The following DMRT1 variants were observed in gnomAD, a reference collection of about 807,000 sequenced individuals.
DMRT1 encodes doublesex and mab-3 related transcription factor 1.
A neutral mutation model predicts 32.3 loss-of-function variants in DMRT1; 7 were observed. The observed-to-expected ratio is 0.22, with a 90% CI of 0.12 to 0.41. The LOEUF (loss-of-function observed/expected upper bound fraction) is 0.41. DMRT1 is among the 10% of genes least tolerant of loss of function. The pLI, the probability that DMRT1 is intolerant of heterozygous loss-of-function variation, is 1.00. For synonymous variants in DMRT1, 278 were observed against 206.1 expected (o/e 1.35, Z -2.99); for missense variants, 625 against 500.5 (o/e 1.25, Z -2.37).
rs1838686471 is a variant in DMRT1, at chr9:841,729, G to T, written c.-110G>T. On this transcript the variant is annotated 5_prime_UTR_variant, in exon 1 of 5. Coordinates refer to ENST00000382276, the MANE Select transcript of DMRT1 (RefSeq NM_021951.3). Reference sequence around the variant, plus strand: ...CTGCGCCTCCGGCTGCAGCGCACACGTCTCCTGCGCCTCCTCCTCCGGAGC... The same window carrying T: ...CTGCGCCTCCGGCTGCAGCGCACACTTCTCCTGCGCCTCCTCCTCCGGAGC... 1.9e-6 allele frequency: 3 copies of T among 1,544,808 alleles called. No homozygotes were observed. In the East Asian group the frequency reaches 7.3e-5, roughly 38 times the overall value.
At chr9:900,807 C>G (rs533109282) in intron 3 of DMRT1, among the ~76,000 whole-genome samples, 36 of 151,884 alleles carry the variant, frequency 2.4e-4, no homozygotes, top group African/African-American at 7.7e-4. Context: ...ATCTCAGTCT[C>G]ACGAGTAGCT....
chr9:844,983 G>C (rs58083655), intron 1 of DMRT1, among the ~76,000 whole-genome samples: 1 of 151,688 alleles, frequency 6.6e-6, no homozygotes, highest in Non-Finnish European at 1.5e-5. Flanking sequence ...CGGCTTCCCA[G>C]AGTGCTGGGA....
intron 2 of DMRT1, among the ~76,000 whole-genome samples, chr9:892,443 C>T (rs1050769377): frequency 3.3e-5 from 5 of 152,140 alleles, no homozygotes; most frequent in African/African-American, 1.2e-4. Flanking sequence ...CTGCTCTACA[C>T]ACCCAGGCTC....
At chr9:955,162 G>C (rs1159719010) in intron 4 of DMRT1, among the ~76,000 whole-genome samples, 2 of 152,186 alleles carry the variant, frequency 1.3e-5, no homozygotes, top group African/African-American at 4.8e-5. Context: ...GTGGCCTGAG[G>C]ACTGGGGAGG....
intron 3 of DMRT1, among the ~76,000 whole-genome samples, chr9:906,974 G>A (rs534744552): frequency 6.6e-6 from 1 of 152,240 alleles, no homozygotes; most frequent in South Asian, 2.1e-4. Flanking sequence ...GAAGACTCAT[G>A]AGATAACAAG....
Position 845,330 on chromosome 9 carries a change from C to T in DMRT1, c.355-1630C>T, listed in dbSNP as rs116871506. On this transcript the variant is annotated intron_variant, in intron 1 of 4. Transcript: ENST00000382276. ...CTTCAAGTAATTCTCCTCTCGGCCT[C>T]CTGAGTACCTGGGATTACAGGCGCA... Among the ~76,000 whole-genome samples, 786 of 152,144 alleles carry T rather than the reference C, an allele frequency of 5.2e-3. 4 individuals carry two copies. The highest frequency in any genetic ancestry group is 8.3e-3 in the Non-Finnish European group (564 of 68,000).
chr9:861,157 A>G (rs552746811), intron 2 of DMRT1, among the ~76,000 whole-genome samples: 62 of 151,134 alleles, frequency 4.1e-4, no homozygotes, highest in Admixed American at 1.3e-3. Flanking sequence ...AGGTCAGCAG[A>G]TAAACATGTG....
intron 3 of DMRT1, among the ~76,000 whole-genome samples, chr9:902,755 C>T (rs934808201): frequency 2.0e-5 from 3 of 152,106 alleles, no homozygotes; most frequent in African/African-American, 7.2e-5. Flanking sequence ...TCCCAAAGTG[C>T]TGGGATTACA....
At chr9:858,672 G>A (rs1253697501) in intron 2 of DMRT1, among the ~76,000 whole-genome samples, 1 of 151,764 alleles carries the variant, frequency 6.6e-6, no homozygotes, top group Non-Finnish European at 1.5e-5. Context: ...TCAGGAGTTC[G>A]AGACCAGCCT....
At position 861,846 on chromosome 9, in the gene DMRT1, C is replaced by T. The variant is rs552423882; in HGVS notation, c.538+14703C>T. On this transcript the variant is annotated intron_variant, in intron 2 of 4. Transcript: ENST00000382276. ...CAGACGGGGCGGCCGGTCAGAGACG[C>T]TCCTCACCTCCCAGACGGGGTCGCG... Among the ~76,000 whole-genome samples the T allele has an allele frequency of 5.6e-3, 833 of 148,886 alleles. 15 individuals are homozygous for T. Among genetic ancestry groups the T allele is most frequent in the Non-Finnish European group, 9.4e-3 (629 of 67,136 alleles).
chr9:901,473 C>G (rs938150331), intron 3 of DMRT1, among the ~76,000 whole-genome samples: 1 of 151,726 alleles, frequency 6.6e-6, no homozygotes, highest in African/African-American at 2.4e-5. Flanking sequence ...ATTACAGGCC[C>G]CTGCCACCAT....
intron 4 of DMRT1, among the ~76,000 whole-genome samples, chr9:946,845 G>A (rs557212988): frequency 3.3e-5 from 5 of 152,256 alleles, no homozygotes; most frequent in Admixed American, 2.0e-4. Flanking sequence ...GGGTGTGTAC[G>A]TCCAGGTCTG....
intron 4 of DMRT1, among the ~76,000 whole-genome samples, chr9:930,225 T>A (rs1321909419): frequency 6.6e-6 from 1 of 152,076 alleles, no homozygotes; most frequent in African/African-American, 2.4e-5. Flanking sequence ...ATTTGTTTGT[T>A]TTTTTAGAGA....
chr9:847,472 C>T (rs1017924994), intron 2 of DMRT1, among the ~76,000 whole-genome samples: 1 of 152,152 alleles, frequency 6.6e-6, no homozygotes, highest in Non-Finnish European at 1.5e-5. Context: ...AACTAAATAT[C>T]CTTGTTTCCT....
At chr9:895,953 C>A (rs142472578) in intron 3 of DMRT1, among the ~76,000 whole-genome samples, 2 of 151,576 alleles carry the variant, frequency 1.3e-5, no homozygotes, top group Non-Finnish European at 2.9e-5. Context: ...TACAGGCACG[C>A]GCCACCAAGC....
chr9:948,787 A>G (rs1321165893), intron 4 of DMRT1, among the ~76,000 whole-genome samples: 1 of 151,968 alleles, frequency 6.6e-6, no homozygotes, highest in Non-Finnish European at 1.5e-5. Context: ...CTGGCGCGGT[A>G]GCTTATGCCT....
At chr9:899,002 A>AT (rs967496308) in intron 3 of DMRT1, among the ~76,000 whole-genome samples, 15 of 151,888 alleles carry the variant, frequency 9.9e-5, no homozygotes, top group Non-Finnish European at 2.2e-4. Context: ...GATTACATGT[A>AT]TTTTTTTAAC....
At chr9:878,036 C>T (rs1816575009) in intron 2 of DMRT1, among the ~76,000 whole-genome samples, 1 of 152,150 alleles carries the variant, frequency 6.6e-6, no homozygotes, top group South Asian at 2.1e-4. Flanking sequence ...AGGTCATAGA[C>T]CACGCTAGGA....
chr9:938,278 A>G (rs991269606), intron 4 of DMRT1, among the ~76,000 whole-genome samples: 14 of 152,094 alleles, frequency 9.2e-5, no homozygotes, highest in African/African-American at 3.4e-4. Context: ...TTCCATATGA[A>G]TTTTACAATG....
Sources: allele counts gnomAD v4.1 joint callset (sites outside exome capture counted in the v4.1 genomes callset), GRCh38; gene constraint gnomAD v4.1.1; transcripts MANE v1.5; gene names NCBI Gene and HGNC (gene_info 2026-07-23, HGNC 2026-07-21).